The following MACF1 variants were observed in gnomAD, a reference collection of about 807,000 sequenced individuals.
MACF1 encodes microtubule actin crosslinking factor 1.
MACF1 carries 193 observed loss-of-function variants against 854.8 expected under a neutral mutation model. That is an observed-to-expected ratio of 0.23 (90% CI 0.20 to 0.25). The LOEUF (loss-of-function observed/expected upper bound fraction) is 0.25, where lower values mean the gene tolerates loss of function less well. Among genes scored for constraint, MACF1 ranks in the 10% least tolerant of loss-of-function variants. MACF1 has a pLI of 1.00. For missense variants in MACF1, 7,722 were observed against 8,929.1 expected, an observed-to-expected ratio of 0.86 and a Z score of 5.45; for synonymous variants, 3,185 against 3,226.7, an observed-to-expected ratio of 0.99 and a Z score of 0.44.
intron 97 of MACF1, among the ~76,000 whole-genome samples, chr1:39,472,586 G>A (rs574594011): frequency 3.3e-5 from 5 of 152,234 alleles, no homozygotes; most frequent in South Asian, 4.2e-4. Context: ...ACCAAGAATC[G>A]TTTCATTGCC....
At position 39,217,958 on chromosome 1, in the gene MACF1, C is replaced by T. The variant is rs186266583; in HGVS notation, c.109+12827C>T. Among the ~76,000 whole-genome samples the T allele has an allele frequency of 1.3e-3, 196 of 150,860 alleles. 2 individuals are homozygous for T. Among genetic ancestry groups the T allele is most frequent in the African/African-American group, 4.7e-3 (191 of 40,936 alleles). ...CAGCACTTTGGGAGGCCGAGGCGGG[C>T]GGATCACGAGGTCAGGAGATCGAGA... On this transcript the variant is annotated intron_variant, in intron 1 of 100. Transcript: ENST00000564288.
chr1:39,089,672 T>A (rs914781794), intron 2 of MACF1, among the ~76,000 whole-genome samples: 1 of 152,162 alleles, frequency 6.6e-6, no homozygotes, highest in Admixed American at 6.5e-5. Flanking sequence ...TTGGGAGCTC[T>A]GAGAAGACAT....
At chr1:39,289,105 T>A (rs1028365241) in intron 15 of MACF1, among the ~76,000 whole-genome samples, 1 of 152,252 alleles carries the variant, frequency 6.6e-6, no homozygotes, top group Non-Finnish European at 1.5e-5. Flanking sequence ...TACTCCATTG[T>A]GTTTAAGTAC....
chr1:39,453,645 A>G, intron 87 of MACF1, 62 bp from the exon 88 acceptor site: 1 of 1,468,292 alleles, frequency 6.8e-7, no homozygotes, highest in Non-Finnish European at 9.5e-7. Context: ...CCCTCAGTGT[A>G]AACTAACAGT....
At chr1:39,210,208 A>G (rs1357341758) in intron 1 of MACF1, among the ~76,000 whole-genome samples, 5 of 152,108 alleles carry the variant, frequency 3.3e-5, no homozygotes, top group Non-Finnish European at 7.4e-5. Context: ...ATTTATGGCA[A>G]TAACTGTGTG....
chr1:39,199,468 G>T (rs1482562560), intron 2 of MACF1, among the ~76,000 whole-genome samples: 2 of 151,910 alleles, frequency 1.3e-5, no homozygotes, highest in African/African-American at 4.8e-5. Flanking sequence ...AACATAGTAA[G>T]ATCCTGTCTC....
chr1:39,431,016 C>A (rs771874478), intron 66 of MACF1, 108 bp downstream of exon 66: 11 of 982,302 alleles, frequency 1.1e-5, no homozygotes, highest in African/African-American at 3.2e-5. Flanking sequence ...TGGGCTCAAG[C>A]TAAATCTGGT....
Position 39,105,739 on chromosome 1 carries a change from C to T in MACF1, c.220+21301C>T. ...AAAGGTAGGGCCGGGGACTGGCCGG[C>T]GCTGAGGCCCGCGGGCCGGCGCAGC... is the stretch of plus-strand genomic sequence containing the variant. On this transcript the variant is annotated intron_variant, in intron 2 of 93. Transcript: ENST00000361689. The surrounding 1 kb of genome is among the most constrained non-coding windows in gnomAD (Gnocchi z 5.9). The T allele has an allele frequency of 7.2e-6, 8 of 1,117,006 alleles. No individual in the cohort carries two copies. In the South Asian group the frequency reaches 1.7e-4, roughly 23 times the overall value. The allele number at this position is 1,117,006 out of a possible 1,614,324, so 69.2% of individuals were successfully genotyped here.
intron 2 of MACF1, among the ~76,000 whole-genome samples, chr1:39,162,706 G>T (rs1643825769): frequency 6.6e-6 from 1 of 152,110 alleles, no homozygotes; most frequent in Non-Finnish European, 1.5e-5. Context: ...TAAGAAAGGG[G>T]ATGATAGAAT....
chr1:39,257,646 C>A (rs1459561435), intron 5 of MACF1: 9 of 313,220 alleles, frequency 2.9e-5, no homozygotes, highest in Non-Finnish European at 4.7e-5. Context: ...ATTTATCCAA[C>A]ACTCTGGAAA....
In MACF1 at chr1:39,332,670, T is replaced by C; in HGVS notation, c.6082T>C (p.Ser2028Pro). 3 of 1,614,094 alleles carry C rather than the reference T, an allele frequency of 1.9e-6. No individual in the cohort carries two copies. The highest frequency in any genetic ancestry group is 2.5e-6 in the Non-Finnish European group (3 of 1,180,000). ...GLQESANVKI[S>P]GTFSSGWTVR... is the part of the protein sequence containing the mutation. ...GCAAGAATCAGCTAATGTGAAAATC[T>C]CAGGAACTTTCAGCAGTGGGTGGAC... The change falls in exon 37 of 101, where the codon TCA (serine) becomes CCA (proline). Residue 2028 changes from serine to proline, a missense_variant. By Grantham distance (74) the Ser-to-Pro change is moderately conservative. Around this residue, in one of 15 missense-constraint regions of MACF1, gnomAD observed 1,531 missense variants for 1,601.6 expected, o/e 0.96. Transcript: ENST00000564288.
At chr1:39,230,383 CAGTG>C in intron 1 of MACF1, among the ~76,000 whole-genome samples, 2 of 152,176 alleles carry the variant, frequency 1.3e-5, no homozygotes, top group Non-Finnish European at 2.9e-5. Flanking sequence ...TGGTCAATGA[CAGTG>C]AGGATGATTT....
intron 2 of MACF1, among the ~76,000 whole-genome samples, chr1:39,091,465 T>C (rs957857847): frequency 2.6e-5 from 4 of 152,166 alleles, no homozygotes; most frequent in African/African-American, 9.7e-5. Flanking sequence ...GGGAGTAGGA[T>C]GCTTGGCCCA....
chr1:39,436,945 CTT>C (rs1254836773), intron 70 of MACF1, among the ~76,000 whole-genome samples: 1 of 152,138 alleles, frequency 6.6e-6, no homozygotes, highest in Non-Finnish European at 1.5e-5. Flanking sequence ...TTTTTTCTCT[CTT>C]ATTGTTCCAT....
intron 2 of MACF1, among the ~76,000 whole-genome samples, chr1:39,102,431 AGGC>A (rs72066010): frequency 0.57 from 55,810 of 98,116 alleles, 11,449 homozygotes; most frequent in African/African-American, 0.65. Context: ...TATTAATTGG[AGGC>A]GGGGGGGGGG....
At chr1:39,476,613 C>G (rs996759792) in intron 97 of MACF1, among the ~76,000 whole-genome samples, 9 of 151,806 alleles carry the variant, frequency 5.9e-5, no homozygotes, top group African/African-American at 2.2e-4. Flanking sequence ...AAGGAAATAT[C>G]GTGGATACAT....
intron 2 of MACF1, among the ~76,000 whole-genome samples, chr1:39,133,439 A>G (rs1030370350): frequency 2.0e-5 from 3 of 151,782 alleles, no homozygotes; most frequent in African/African-American, 7.3e-5. Flanking sequence ...CCTGGGGTTT[A>G]ATTTTGTAAC....
At chr1:39,412,421 G>T (rs1643056532) in intron 58 of MACF1, 1 of 1,613,904 alleles carries the variant, frequency 6.2e-7, no homozygotes, top group Admixed American at 1.7e-5. Flanking sequence ...GATGAGGATG[G>T]TGAGGCAAAA....
chr1:39,112,277 G>A (rs557502207), intron 2 of MACF1, among the ~76,000 whole-genome samples: 6 of 151,524 alleles, frequency 4.0e-5, no homozygotes, highest in South Asian at 2.1e-4. Flanking sequence ...TAATAGAGAC[G>A]GTTTCACCAT....
Sources: allele counts gnomAD v4.1 joint callset (sites outside exome capture counted in the v4.1 genomes callset), GRCh38; gene constraint gnomAD v4.1.1; regional missense constraint gnomAD v4.1.1; non-coding constraint Gnocchi (gnomAD v3.1); transcripts MANE v1.5; gene names NCBI Gene and HGNC (gene_info 2026-07-23, HGNC 2026-07-21).